The following RIN1 variants were observed in gnomAD, a reference collection of about 807,000 sequenced individuals.
RIN1 encodes Ras and Rab interactor 1.
RIN1 carries 52 observed loss-of-function variants against 64.9 expected under a neutral mutation model. That is an observed-to-expected ratio of 0.80 (90% confidence interval 0.64 to 1.01). The LOEUF is 1.01. Ranked by LOEUF, RIN1 falls within the 50% of genes least tolerant of loss-of-function variation. The pLI is 0.00. For missense variants in RIN1, 1,040 were observed against 1,064.5 expected, an observed-to-expected ratio of 0.98 and a Z score of 0.32; for synonymous variants, 486 against 483.6, an observed-to-expected ratio of 1.00 and a Z score of -0.06.
Position 66,332,689 on chromosome 11 carries a change from G to A in RIN1, c.1939C>T (p.Pro647Ser), listed in dbSNP as rs112248122. ...AGGGTGGCAATCGAGGCTTCTGGGG[G>A]CACGGCCAGGGTCTTGGAGGTGCAG... ...SGCTSKTLAV[P>S]PEASIATLNQ... Residue 647 changes from proline to serine, a missense_variant, in exon 10 of 10, where the codon CCC (proline) becomes TCC (serine). Physicochemically the swap from Pro to Ser is moderately conservative, Grantham distance 74 (BLOSUM62 -1). Transcript: ENST00000311320. 6.4e-6 allele frequency: 10 copies of A among 1,555,914 alleles called. No individual in the cohort carries two copies. Among genetic ancestry groups the A allele is most frequent in the Non-Finnish European group, 8.7e-6 (10 of 1,151,276 alleles).
rs1327675011 is a variant in RIN1, at chr11:66,334,190, C to T, written c.1320G>A (p.Val440=). ...HVLEKSLHCS[V]LKPLRPILAA... Reference sequence around the variant, plus strand: ...CCAGGATGGGCCGGAGAGGCTTGAGCACAGAGCAATGCAATGACTTCTCCA... The same window carrying T: ...CCAGGATGGGCCGGAGAGGCTTGAGTACAGAGCAATGCAATGACTTCTCCA... Residue 440 remains valine, a synonymous_variant, in exon 7 of 10, where the codon GTG becomes GTA. Coordinates refer to ENST00000311320, the MANE Select transcript of RIN1 (RefSeq NM_004292.3). The T allele has an allele frequency of 4.0e-6, 6 of 1,508,722 alleles. No homozygotes were observed. Among genetic ancestry groups the T allele is most frequent in the Admixed American group, 2.4e-5 (1 of 41,716 alleles). 93.5% of individuals were successfully genotyped at this position (1,508,722 alleles called of 1,614,324 possible).
In RIN1 at chr11:66,330,259, T is replaced by A. The variant is rs1854711627; in HGVS notation, c.*2017A>T. 1 of 152,228 alleles carries A rather than the reference T, an allele frequency of 6.6e-6. No homozygotes were observed. 9.4% of individuals were successfully genotyped at this position (152,228 alleles called of 1,614,324 possible). A position where few individuals can be genotyped will look rare whatever the true frequency, so the allele number is the denominator to read the frequency against. ...ACTCCAATCAGTGAACAACATTTAT[T>A]GAACACCTATGGCATTTGTGCTCAG... On this transcript the variant is annotated 3_prime_UTR_variant, in exon 10 of 10. Transcript: ENST00000311320.
At position 66,331,311 on chromosome 11, in the gene RIN1, T is replaced by C. The variant is rs569824359; in HGVS notation, c.*965A>G. 6 of 152,386 alleles carry C rather than the reference T, an allele frequency of 3.9e-5. No homozygotes were observed. The highest frequency in any genetic ancestry group is 1.4e-4 in the African/African-American group (6 of 41,584). 9.4% of individuals were successfully genotyped at this position (152,386 alleles called of 1,614,324 possible). A position where few individuals can be genotyped will look rare whatever the true frequency, so the allele number is the denominator to read the frequency against. ...GCTATATGACATCCTGGGAGTCACT[T>C]TCCTGACCCTCAGTGGGCCCAACAA... On this transcript the variant is annotated 3_prime_UTR_variant, in exon 10 of 10. Transcript: ENST00000311320.
rs574798746 is a variant in RIN1 at position 66,332,110 on chromosome 11, C to T, written c.*166G>A. On this transcript the variant is annotated 3_prime_UTR_variant, in exon 10 of 10. Coordinates refer to ENST00000311320, the MANE Select transcript of RIN1 (RefSeq NM_004292.3). Reference sequence around the variant, plus strand: ...CCCCGAAGCCCCCTCATCTTTATTCCAGTTCCTCAGATGTGGCAGTTCCCC... The same window carrying T: ...CCCCGAAGCCCCCTCATCTTTATTCTAGTTCCTCAGATGTGGCAGTTCCCC... The T allele has an allele frequency of 1.8e-4, 132 of 720,154 alleles. No homozygotes were observed. The African/African-American group carries it at 2.2e-3, about 12-fold the overall frequency. The allele number at this position is 720,154 out of a possible 1,614,324, so 44.6% of individuals were successfully genotyped here.
In RIN1 at chr11:66,334,175, C is replaced by A; in HGVS notation, c.1335G>T (p.Arg445=). ...SLHCSVLKPL[R]PILAARLRRR... Reference sequence around the variant, plus strand: ...GCCGCAGGCGGGCTGCCAGGATGGGCCGGAGAGGCTTGAGCACAGAGCAAT... The same window carrying A: ...GCCGCAGGCGGGCTGCCAGGATGGGACGGAGAGGCTTGAGCACAGAGCAAT... Residue 445 remains arginine (R), a synonymous_variant, in exon 7 of 10, where the codon CGG becomes CGT. Transcript: ENST00000311320. The A allele has an allele frequency of 6.5e-7, 1 of 1,533,092 alleles. No individual in the cohort carries two copies. The highest frequency in any genetic ancestry group is 1.3e-5 in the South Asian group (1 of 79,144). The allele number at this position is 1,533,092 out of a possible 1,614,324, so 95.0% of individuals were successfully genotyped here. A position where few individuals can be genotyped will look rare whatever the true frequency, so the allele number is the denominator to read the frequency against.
Position 66,334,947 on chromosome 11 carries a change from G to C in RIN1, c.852C>G (p.Cys284Trp). 1.3e-6 allele frequency: 2 copies of C among 1,585,926 alleles called. No individual in the cohort carries two copies. The highest frequency in any genetic ancestry group is 2.3e-5 in the South Asian group (2 of 87,370). ...VPSQTERLPP[C>W]QLLRRESSVG... is the part of the protein sequence containing the mutation. The stretch of plus-strand genomic sequence containing the variant: ...CTGAGCTCTCCCTCCGTAGCAGCTG[G>C]CAAGGGGGCAGCCGCTCTGTCTGGC... The change falls in exon 6 of 10, where the codon TGC becomes TGG. Residue 284 changes from cysteine (C) to tryptophan (W), a missense_variant. Cys to Trp is a radical substitution (Grantham distance 215). Transcript: ENST00000311320.
rs1217021656 is a variant in RIN1 at position 66,334,926 on chromosome 11, G to T, written c.873C>A (p.Ser291Arg). 3 of 1,587,282 alleles carry T rather than the reference G, an allele frequency of 1.9e-6. No homozygotes were observed. In the Admixed American group the frequency reaches 5.3e-5, roughly 28 times the overall value. ...CTGCTGGCACGCGGTACCCCACTGA[G>T]CTCTCCCTCCGTAGCAGCTGGCAAG... is the stretch of plus-strand genomic sequence containing the variant. ...LPPCQLLRRE[S>R]SVGYRVPAGS... The change falls in exon 6 of 10, where the codon AGC (serine) becomes AGA (arginine). Residue 291 changes from serine (S) to arginine (R), a missense_variant. By Grantham distance (110) the Ser-to-Arg change is moderately radical (BLOSUM62 -1). Coordinates refer to ENST00000311320, the MANE Select transcript of RIN1 (RefSeq NM_004292.3).
chr11:66,335,714 G>A (rs373476428), intron 3 of RIN1, 32 bp from the exon 4 acceptor site: 40 of 1,611,904 alleles, frequency 2.5e-5, no homozygotes, highest in Middle Eastern at 1.6e-4. Flanking sequence ...GTGCTTCTCT[G>A]GGGAACCTCC....
chr11:66,335,029 A>G lies in RIN1; in HGVS notation c.770T>C (p.Leu257Pro), dbSNP rs1379875349. The G allele has an allele frequency of 1.3e-6, 2 of 1,532,878 alleles. No individual in the cohort carries two copies. The highest frequency in any genetic ancestry group is 1.4e-5 in the African/African-American group (1 of 72,044). The allele number at this position is 1,532,878 out of a possible 1,614,324, so 95.0% of individuals were successfully genotyped here. The change falls in exon 6 of 10, where the codon CTG (leucine) becomes CCG (proline). Residue 257 changes from leucine (L) to proline (P), a missense_variant. By Grantham distance (98) the Leu-to-Pro change is moderately conservative. Coordinates refer to ENST00000311320, the MANE Select transcript of RIN1 (RefSeq NM_004292.3). ...GGGAGGTGGCACGGCAGGTGGAGAC[A>G]GGGGGCTGGAGGTCTCTGTGGACAC... ...VRVSTETSSPLSPPAVPPPPV... is the reference protein window; with the variant it reads ...VRVSTETSSPPSPPAVPPPPV...
At position 66,333,519 on chromosome 11, in the gene RIN1, T is replaced by G; in HGVS notation, c.1723+8A>C. On this transcript the variant is annotated splice_region_variant and intron_variant, in intron 8 of 9. Transcript: ENST00000311320. ...ACCCAGACAGGGAGGTGGGTGGGGGTCCCTCACCCTCTCCAGTAAGCAGGC... is the reference window on the plus strand; with the variant it reads ...ACCCAGACAGGGAGGTGGGTGGGGGGCCCTCACCCTCTCCAGTAAGCAGGC... 1 of 1,610,798 alleles carries G rather than the reference T, an allele frequency of 6.2e-7. No individual in the cohort carries two copies. The highest frequency in any genetic ancestry group is 2.2e-5 in the East Asian group (1 of 44,808).
chr11:66,332,697 A>G lies in RIN1; in HGVS notation c.1931T>C (p.Leu644Pro). The change falls in exon 10 of 10, where the codon CTG (leucine) becomes CCG (proline). Residue 644 changes from leucine (L) to proline (P), a missense_variant. Physicochemically the swap from Leu to Pro is moderately conservative, Grantham distance 98 (BLOSUM62 -3). Coordinates refer to ENST00000311320, the MANE Select transcript of RIN1 (RefSeq NM_004292.3). ...AATCGAGGCTTCTGGGGGCACGGCC[A>G]GGGTCTTGGAGGTGCAGCCACTGCT... ...DPSSGCTSKT[L>P]AVPPEASIAT... The G allele has an allele frequency of 6.5e-7, 1 of 1,538,770 alleles. No individual in the cohort carries two copies. The highest frequency in any genetic ancestry group is 8.7e-7 in the Non-Finnish European group (1 of 1,144,438).
chr11:66,335,032 G>C lies in RIN1; in HGVS notation c.767C>G (p.Pro256Arg), dbSNP rs749708268. ...KVRVSTETSS[P>R]LSPPAVPPPP... Reference sequence around the variant, plus strand: ...AGGTGGCACGGCAGGTGGAGACAGGGGGCTGGAGGTCTCTGTGGACACGCG... The same window carrying C: ...AGGTGGCACGGCAGGTGGAGACAGGCGGCTGGAGGTCTCTGTGGACACGCG... Residue 256 changes from proline (P) to arginine (R), a missense_variant, in exon 6 of 10, where the codon CCC (proline) becomes CGC (arginine). Physicochemically the swap from Pro to Arg is moderately radical, Grantham distance 103 (BLOSUM62 -2). Transcript: ENST00000311320. The C allele has an allele frequency of 6.5e-7, 1 of 1,535,464 alleles. No homozygotes were observed.
chr11:66,331,776 C>G lies in RIN1; in HGVS notation c.*500G>C, dbSNP rs1854738277. On this transcript the variant is annotated 3_prime_UTR_variant, in exon 10 of 10. Coordinates refer to ENST00000311320, the MANE Select transcript of RIN1 (RefSeq NM_004292.3). ...GTGCAGGTCCTTCTGGTGTCCAGGA[C>G]AGGGGTGGGCCCCAAGCCTTTGCTG... is the stretch of plus-strand genomic sequence containing the variant. The G allele has an allele frequency of 6.1e-6, 1 of 164,818 alleles. No homozygotes were observed. The highest frequency in any genetic ancestry group is 1.3e-5 in the Non-Finnish European group (1 of 76,712). The allele number at this position is 164,818 out of a possible 1,614,324, so 10.2% of individuals were successfully genotyped here. A position where few individuals can be genotyped will look rare whatever the true frequency, so the allele number is the denominator to read the frequency against.
Position 66,336,024 on chromosome 11 carries a change from G to A in RIN1, c.221C>T (p.Ala74Val), listed in dbSNP as rs1237981585. The A allele has an allele frequency of 6.8e-7, 1 of 1,466,988 alleles. No homozygotes were observed. The highest frequency in any genetic ancestry group is 9.0e-7 in the Non-Finnish European group (1 of 1,107,966). The allele number at this position is 1,466,988 out of a possible 1,614,324, so 90.9% of individuals were successfully genotyped here. ...CATGTGCAGTGCGGCCGCTGCGTTG[G>A]CTTGCAGCTGCAGCCACACGGGCCG... The part of the protein sequence containing the change: ...LTRPVWLQLQ[A>V]NAAAALHMLR... Residue 74 changes from alanine to valine, a missense_variant, in exon 2 of 10, where the codon GCC becomes GTC. By Grantham distance (64) the Ala-to-Val change is moderately conservative. Transcript: ENST00000311320.
At chr11:66,336,605 G>T, upstream of RIN1, 1 of 543,822 alleles carries the variant, frequency 1.8e-6, no homozygotes, top group South Asian at 2.6e-5. Flanking sequence ...TGCTAGCCCT[G>T]CTCTGAGGGC....
chr11:66,334,167 A>G lies in RIN1; in HGVS notation c.1343T>C (p.Leu448Pro). ...CSVLKPLRPILAARLRRRLAA... is the reference protein window; with the variant it reads ...CSVLKPLRPIPAARLRRRLAA... ...AAGCCGGCGCCGCAGGCGGGCTGCCAGGATGGGCCGGAGAGGCTTGAGCAC... is the reference window on the plus strand; with the variant it reads ...AAGCCGGCGCCGCAGGCGGGCTGCCGGGATGGGCCGGAGAGGCTTGAGCAC... The change falls in exon 7 of 10, where the codon CTG becomes CCG. Residue 448 changes from leucine (L) to proline (P), a missense_variant. Physicochemically the swap from Leu to Pro is moderately conservative, Grantham distance 98 (BLOSUM62 -3). Coordinates refer to ENST00000311320, the MANE Select transcript of RIN1 (RefSeq NM_004292.3). 6.7e-7 allele frequency: 1 copy of G among 1,484,740 alleles called. No homozygotes were observed. The highest frequency in any genetic ancestry group is 9.0e-7 in the Non-Finnish European group (1 of 1,113,610). The allele number at this position is 1,484,740 out of a possible 1,614,324, so 92.0% of individuals were successfully genotyped here. A position where few individuals can be genotyped will look rare whatever the true frequency, so the allele number is the denominator to read the frequency against.
chr11:66,335,810 T>C lies in RIN1; in HGVS notation c.334A>G (p.Ser112Gly), dbSNP rs752121395. The C allele has an allele frequency of 1.9e-6, 3 of 1,609,932 alleles. No homozygotes were observed. The highest frequency in any genetic ancestry group is 2.7e-5 in the African/African-American group (2 of 74,978). Residue 112 changes from serine (S) to glycine (G), a missense_variant, in exon 3 of 10, where the codon AGT becomes GGT. Ser to Gly is a moderately conservative substitution (Grantham distance 56, BLOSUM62 0). Transcript: ENST00000311320. ...QALCMRLPEA[S>G]GPSFVSSHYI... The stretch of plus-strand genomic sequence containing the variant: ...TGGCTGGAGACGAAGGAGGGGCCAC[T>C]GGCTTCAGGCAACCGCATGCACAGG...
At position 66,330,960 on chromosome 11, in the gene RIN1, C is replaced by A. The variant is rs540995099; in HGVS notation, c.*1316G>T. The A allele has an allele frequency of 1.3e-5, 2 of 152,304 alleles. No individual in the cohort carries two copies. Among genetic ancestry groups the A allele is most frequent in the Admixed American group, 6.5e-5 (1 of 15,294 alleles). 9.4% of individuals were successfully genotyped at this position (152,304 alleles called of 1,614,324 possible). A position where few individuals can be genotyped will look rare whatever the true frequency, so the allele number is the denominator to read the frequency against. On this transcript the variant is annotated 3_prime_UTR_variant, in exon 10 of 10. Transcript: ENST00000311320. ...CCCCAAGAGGCTGGCCTTACCCAGACCCCAGAATCTAAGGGACCTGGGGGC... is the reference window on the plus strand; with the variant it reads ...CCCCAAGAGGCTGGCCTTACCCAGAACCCAGAATCTAAGGGACCTGGGGGC...
chr11:66,336,380 C>T lies in RIN1; in HGVS notation c.23G>A (p.Gly8Asp), dbSNP rs771677834. ...GCTGGGGGCTCCAGGAGAGCCCGCG[C>T]CTGACTCTCCAGGGCTTTCCATGGC... MESPGES[G>D]AGSPGAPSPS... Residue 8 changes from glycine to aspartate, a missense_variant, in exon 1 of 10, where the codon GGC becomes GAC. Physicochemically the swap from Gly to Asp is moderately conservative, Grantham distance 94 (BLOSUM62 -1). Coordinates refer to ENST00000311320, the MANE Select transcript of RIN1 (RefSeq NM_004292.3). 3.7e-6 allele frequency: 6 copies of T among 1,613,414 alleles called. No homozygotes were observed. The Admixed American group carries it at 5.0e-5, about 13-fold the overall frequency.
Sources: allele counts gnomAD v4.1 joint callset, GRCh38; gene constraint gnomAD v4.1.1; transcripts MANE v1.5; gene names NCBI Gene and HGNC (gene_info 2026-07-23, HGNC 2026-07-21).